Variants in GPR158 observed in about 807,000 individuals in gnomAD.
GPR158 encodes the protein metabotropic glycine receptor.
In GPR158, 30 loss-of-function variants were observed where a neutral mutation model predicts 78.2. That is an observed-to-expected ratio of 0.38 (90% CI 0.29 to 0.52). The LOEUF is 0.52. GPR158 is among the 20% of genes least tolerant of loss of function. The pLI is 0.83. For missense variants in GPR158, 1,463 were observed against 1,523.5 expected, an observed-to-expected ratio of 0.96 and a Z score of 0.66; for synonymous variants, 581 against 591.1, an observed-to-expected ratio of 0.98 and a Z score of 0.25.
rs889286369 is a variant in GPR158, at chr10:25,569,940, C to T, written c.1515-2709C>T. Among the ~76,000 whole-genome samples the T allele has an allele frequency of 3.9e-5, 6 of 152,036 alleles. No homozygotes were observed. The South Asian group carries it at 8.3e-4, about 21-fold the overall frequency. On this transcript the variant is annotated intron_variant, in intron 6 of 10. Coordinates refer to ENST00000376351, the MANE Select transcript of GPR158 (RefSeq NM_020752.3). ...GGCTGTCACTATATAAATGTTTGTT[C>T]GTTATATTTAAAATGTTTACATTAA...
rs1302799395 is a variant in GPR158, at chr10:25,495,149, C to CT, written c.1404+28445dup. ...TTTAGAGATAGGTATAATCCACTAA[C>CT]TTTTTTTTTTTTTTTAGATATATAA... On this transcript the variant is annotated intron_variant, in intron 5 of 10. Coordinates refer to ENST00000376351, the MANE Select transcript of GPR158 (RefSeq NM_020752.3). Among the ~76,000 whole-genome samples, 721 of 137,784 alleles carry CT rather than the reference C, an allele frequency of 5.2e-3. 2 individuals carry two copies. Among genetic ancestry groups the CT allele is most frequent in the South Asian group, 8.1e-3 (35 of 4,308 alleles). The allele number at this position is 137,784 out of a possible 152,430, so 90.4% of individuals were successfully genotyped here.
chr10:25,513,630 T>G (rs1450101622), intron 5 of GPR158, among the ~76,000 whole-genome samples: 1 of 152,158 alleles, frequency 6.6e-6, no homozygotes, highest in Non-Finnish European at 1.5e-5. Context: ...TTTGTGCTCC[T>G]TCAGACTTTT....
At chr10:25,301,831 G>A (rs1053788412) in intron 2 of GPR158, among the ~76,000 whole-genome samples, 1 of 151,716 alleles carries the variant, frequency 6.6e-6, no homozygotes, top group African/African-American at 2.4e-5. Flanking sequence ...TTGCCAATAA[G>A]ATGTGTGGGG....
At chr10:25,292,647 G>C (rs1854456187) in intron 2 of GPR158, among the ~76,000 whole-genome samples, 1 of 151,838 alleles carries the variant, frequency 6.6e-6, no homozygotes, top group Non-Finnish European at 1.5e-5. Flanking sequence ...AAATAAATGA[G>C]GTCTTTAAAG....
chr10:25,216,410 G>A (rs148902909), intron 1 of GPR158, among the ~76,000 whole-genome samples: 52 of 151,940 alleles, frequency 3.4e-4, no homozygotes, highest in African/African-American at 1.2e-3. Flanking sequence ...AATCTATCCA[G>A]TCTCTCTATC....
chr10:25,232,075 T>G (rs756995283), intron 2 of GPR158, among the ~76,000 whole-genome samples: 2 of 152,142 alleles, frequency 1.3e-5, no homozygotes, highest in Non-Finnish European at 2.9e-5. Flanking sequence ...TGATGAAATA[T>G]GAAGTTAGTG....
intron 5 of GPR158, among the ~76,000 whole-genome samples, chr10:25,510,937 G>A (rs928734702): frequency 1.3e-4 from 20 of 152,044 alleles, no homozygotes; most frequent in African/African-American, 1.9e-4. Context: ...TTCTTTATCC[G>A]CTCATTGCTT....
chr10:25,177,254 T>G (rs1021157017), intron 1 of GPR158, among the ~76,000 whole-genome samples: 1 of 152,142 alleles, frequency 6.6e-6, no homozygotes, highest in African/African-American at 2.4e-5. Flanking sequence ...GCCTGACCTT[T>G]GAGGCGGGGA....
At chr10:25,313,203 C>A (rs1161857580) in intron 2 of GPR158, among the ~76,000 whole-genome samples, 1 of 132,544 alleles carries the variant, frequency 7.5e-6, no homozygotes, top group Non-Finnish European at 1.5e-5. Context: ...GTCTCTAAGA[C>A]TAAGTATAAA....
intron 5 of GPR158, among the ~76,000 whole-genome samples, chr10:25,548,822 C>A (rs1242703208): frequency 1.3e-5 from 2 of 152,140 alleles, no homozygotes; most frequent in Non-Finnish European, 2.9e-5. Flanking sequence ...ATACCTCCAC[C>A]ATGGATGCTG....
intron 5 of GPR158, among the ~76,000 whole-genome samples, chr10:25,536,637 T>C (rs1037549455): frequency 6.6e-5 from 10 of 152,254 alleles, no homozygotes; most frequent in African/African-American, 2.4e-4. Context: ...TTTTAACCTC[T>C]CTGCCAAATA....
At chr10:25,262,962 G>T (rs1853988644) in intron 2 of GPR158, among the ~76,000 whole-genome samples, 1 of 152,068 alleles carries the variant, frequency 6.6e-6, no homozygotes, top group Non-Finnish European at 1.5e-5. Flanking sequence ...CCTTTAGTAG[G>T]TATGTATTGC....
chr10:25,296,571 C>T (rs1017403835), intron 2 of GPR158, among the ~76,000 whole-genome samples: 2 of 151,912 alleles, frequency 1.3e-5, no homozygotes, highest in African/African-American at 4.8e-5. Flanking sequence ...AGGGGTTTTG[C>T]CTTGCTTATT....
intron 5 of GPR158, among the ~76,000 whole-genome samples, chr10:25,505,992 T>C (rs1836008358): frequency 6.6e-6 from 1 of 152,044 alleles, no homozygotes; most frequent in African/African-American, 2.4e-5. Flanking sequence ...CCATAGCAAA[T>C]GCAGGTCTTA....
intron 2 of GPR158, among the ~76,000 whole-genome samples, chr10:25,346,307 A>G (rs949526357): frequency 6.6e-6 from 1 of 151,910 alleles, no homozygotes; most frequent in Non-Finnish European, 1.5e-5. Flanking sequence ...TTTAATGTGC[A>G]TTAAGTCATC....
At chr10:25,492,926 C>A (rs1431322391) in intron 5 of GPR158, among the ~76,000 whole-genome samples, 1 of 149,112 alleles carries the variant, frequency 6.7e-6, no homozygotes, top group Middle Eastern at 3.3e-3. Flanking sequence ...TTTCAATATC[C>A]AATTTTTGGA....
chr10:25,375,678 G>A (rs989715870), intron 2 of GPR158, among the ~76,000 whole-genome samples: 6 of 151,244 alleles, frequency 4.0e-5, no homozygotes, highest in African/African-American at 7.3e-5. Flanking sequence ...TTGTATTTGC[G>A]CATCTGTCAA....
chr10:25,349,335 T>C (rs1198591674), intron 2 of GPR158, among the ~76,000 whole-genome samples: 1 of 151,984 alleles, frequency 6.6e-6, no homozygotes, highest in East Asian at 1.9e-4. Flanking sequence ...CAATGTAGGC[T>C]CAACTCCTCA....
chr10:25,322,484 GT>G (rs1564422033), intron 2 of GPR158, among the ~76,000 whole-genome samples: 1 of 152,108 alleles, frequency 6.6e-6, no homozygotes, highest in African/African-American at 2.4e-5. Context: ...AAAAGTCTTT[GT>G]ATCTTTACAA....
Sources: gnomAD v4.1 joint callset for allele counts (sites outside exome capture counted in the v4.1 genomes callset) on GRCh38, gnomAD v4.1.1 for gene constraint, MANE v1.5 for transcripts, NCBI Gene and HGNC (gene_info 2026-07-23, HGNC 2026-07-21) for gene names.